EPB41L2: variants seen among roughly 807,000 people sequenced by gnomAD.
The protein encoded by EPB41L2 is erythrocyte membrane protein band 4.1 like 2.
EPB41L2 carries 43 observed loss-of-function variants against 113.0 expected under a neutral mutation model. The observed-to-expected ratio is 0.38, with a 90% CI of 0.30 to 0.49. The LOEUF is 0.49. EPB41L2 is among the 20% of genes least tolerant of loss of function. The pLI, the probability that EPB41L2 is intolerant of heterozygous loss-of-function variation, is 0.95. For missense variants in EPB41L2, 1,147 were observed against 1,223.4 expected (o/e 0.94, Z 0.93); for synonymous variants, 442 against 436.7 (o/e 1.01, Z -0.15).
intron 1 of EPB41L2, among the ~76,000 whole-genome samples, chr6:131,040,597 GAACT>G (rs1380534864): frequency 6.6e-6 from 1 of 152,070 alleles, no homozygotes; most frequent in Non-Finnish European, 1.5e-5. Flanking sequence ...AGACGTCAAG[GAACT>G]AACTATTTGT....
At chr6:130,857,078 A>G (rs1780468804) in intron 19 of EPB41L2, among the ~76,000 whole-genome samples, 2 of 152,316 alleles carry the variant, frequency 1.3e-5, no homozygotes, top group Admixed American at 1.3e-4. Context: ...AAGTAGTTTA[A>G]TGGTAGACAT....
At chr6:131,008,383 G>C (rs888052203) in intron 1 of EPB41L2, among the ~76,000 whole-genome samples, 7 of 152,252 alleles carry the variant, frequency 4.6e-5, no homozygotes, top group Admixed American at 2.0e-4. Flanking sequence ...GATTTCAGAG[G>C]ATGTATGGAA....
At chr6:130,977,065 T>A (rs1390707647) in intron 1 of EPB41L2, among the ~76,000 whole-genome samples, 10 of 152,212 alleles carry the variant, frequency 6.6e-5, no homozygotes, top group Admixed American at 6.5e-4. Context: ...AATTATAAGA[T>A]CATTCTTCTC....
intron 14 of EPB41L2, among the ~76,000 whole-genome samples, chr6:130,877,332 A>G (rs115583259): frequency 2.5e-4 from 38 of 152,352 alleles, no homozygotes; most frequent in African/African-American, 8.7e-4. Flanking sequence ...TAAATATAGT[A>G]TGATCACTGT....
At chr6:130,884,193 C>T (rs1790184130) in intron 12 of EPB41L2, among the ~76,000 whole-genome samples, 1 of 151,750 alleles carries the variant, frequency 6.6e-6, no homozygotes, top group Admixed American at 6.6e-5. Flanking sequence ...ATTAGCCGGG[C>T]ACGTGGTGGC....
chr6:130,907,911 T>C (rs1798199015), intron 5 of EPB41L2, among the ~76,000 whole-genome samples: 1 of 151,852 alleles, frequency 6.6e-6, no homozygotes, highest in South Asian at 2.1e-4. Context: ...GGAGAAGAGG[T>C]TTCTCCTGGG....
At chr6:131,027,692 G>A (rs1350313331) in intron 1 of EPB41L2, among the ~76,000 whole-genome samples, 1 of 152,154 alleles carries the variant, frequency 6.6e-6, no homozygotes, top group Non-Finnish European at 1.5e-5. Flanking sequence ...ATGCTTGAAG[G>A]AATGGATACC....
intron 1 of EPB41L2, among the ~76,000 whole-genome samples, chr6:130,982,338 T>C (rs919917702): frequency 2.0e-5 from 3 of 152,182 alleles, no homozygotes; most frequent in African/African-American, 7.2e-5. Context: ...AAAATCAGCC[T>C]TTCTAAACCT....
At chr6:130,950,009 A>G (rs1374691527) in intron 3 of EPB41L2, among the ~76,000 whole-genome samples, 2 of 152,164 alleles carry the variant, frequency 1.3e-5, no homozygotes, top group African/African-American at 4.8e-5. Context: ...GCAACAGGAG[A>G]CTGATTATTA....
chr6:130,892,403 C>CTTTTGTTTTTTTTTTTTTTTT (rs1793200941), intron 10 of EPB41L2, among the ~76,000 whole-genome samples: 1 of 92,638 alleles, frequency 1.1e-5, no homozygotes, highest in Admixed American at 1.2e-4. Flanking sequence ...CAGATTATTG[C>CTTTTGTTTTTTTTTTTTTTTT]TTTTTTTTTT....
At position 130,958,521 on chromosome 6, in the gene EPB41L2, A is replaced by C. The variant is rs916909917; in HGVS notation, c.-14-2022T>G. 2.6e-5 allele frequency among the ~76,000 whole-genome samples: 4 copies of C among 151,566 alleles called. No individual in the cohort carries two copies. In the East Asian group the frequency reaches 7.8e-4, roughly 29 times the overall value. Reference sequence around the variant, plus strand: ...ACTTAAGCCAGGTTAGGAGAAGAAGAGGGTCACCAGGCAGGCGTTTCTGCA... The same window carrying C: ...ACTTAAGCCAGGTTAGGAGAAGAAGCGGGTCACCAGGCAGGCGTTTCTGCA... On this transcript the variant is annotated intron_variant, in intron 1 of 19. Coordinates refer to ENST00000337057, the MANE Select transcript of EPB41L2 (RefSeq NM_001431.4).
intron 4 of EPB41L2, among the ~76,000 whole-genome samples, chr6:130,915,775 G>A (rs1021650906): frequency 2.6e-5 from 4 of 152,044 alleles, no homozygotes; most frequent in Admixed American, 1.3e-4. Context: ...TGGGTCTCAC[G>A]AGATCTAATA....
intron 4 of EPB41L2, among the ~76,000 whole-genome samples, chr6:130,921,300 G>A (rs1802787579): frequency 6.6e-6 from 1 of 152,120 alleles, no homozygotes; most frequent in Admixed American, 6.6e-5. Flanking sequence ...TCCTCAGCAT[G>A]AGATACAAGA....
intron 1 of EPB41L2, among the ~76,000 whole-genome samples, chr6:130,956,823 A>G (rs1262721408): frequency 1.3e-5 from 2 of 152,244 alleles, no homozygotes; most frequent in Non-Finnish European, 2.9e-5. Flanking sequence ...GTTATAAACA[A>G]TAATTGATAT....
intron 1 of EPB41L2, among the ~76,000 whole-genome samples, chr6:130,979,650 G>T (rs1051985384): frequency 6.6e-6 from 1 of 152,150 alleles, no homozygotes; most frequent in Non-Finnish European, 1.5e-5. Flanking sequence ...GATTGTGGGA[G>T]TAATGAAAAA....
At position 130,885,284 on chromosome 6, in the gene EPB41L2, A is replaced by G. The variant is rs1191127890; in HGVS notation, c.1661-16T>C. ...CCAATCGGAGCTAGTAAAGAGTGACAATTTTGGATTATTTTAGGACATATG... is the reference window on the plus strand; with the variant it reads ...CCAATCGGAGCTAGTAAAGAGTGACGATTTTGGATTATTTTAGGACATATG... On this transcript the variant is annotated splice_polypyrimidine_tract_variant and intron_variant, in intron 11 of 19. Coordinates refer to ENST00000337057, the MANE Select transcript of EPB41L2 (RefSeq NM_001431.4). 6.2e-7 allele frequency: 1 copy of G among 1,613,746 alleles called. No individual in the cohort carries two copies. The highest frequency in any genetic ancestry group is 8.5e-7 in the Non-Finnish European group (1 of 1,179,824).
At chr6:130,902,929 T>C (rs1181016295) in intron 6 of EPB41L2, among the ~76,000 whole-genome samples, 1 of 152,234 alleles carries the variant, frequency 6.6e-6, no homozygotes, top group Non-Finnish European at 1.5e-5. Context: ...CCCCAGCTTC[T>C]AAATGTTCAC....
intron 1 of EPB41L2, among the ~76,000 whole-genome samples, chr6:130,958,146 T>C (rs1021171541): frequency 6.6e-6 from 1 of 152,022 alleles, no homozygotes; most frequent in Non-Finnish European, 1.5e-5. Context: ...GTCAATAGCA[T>C]GTTGCACAAA....
intron 1 of EPB41L2, among the ~76,000 whole-genome samples, chr6:131,040,221 T>C (rs1794175160): frequency 6.6e-6 from 1 of 152,164 alleles, no homozygotes; most frequent in South Asian, 2.1e-4. Flanking sequence ...GCAGATCACC[T>C]GAGGCCAGGG....
Sources: gnomAD v4.1 joint callset for allele counts (sites outside exome capture counted in the v4.1 genomes callset) on GRCh38, gnomAD v4.1.1 for gene constraint, MANE v1.5 for transcripts, NCBI Gene and HGNC (gene_info 2026-07-23, HGNC 2026-07-21) for gene names.